ADAMTSL1: variants seen among roughly 807,000 people sequenced by gnomAD.
ADAMTSL1 encodes ADAMTS like 1, also known as ADAMTS-like protein 1.
A neutral mutation model predicts 201.8 loss-of-function variants in ADAMTSL1; 126 were observed. The ratio of observed to expected loss-of-function variants is 0.62; its 90% CI spans 0.54 to 0.72. ADAMTSL1 has a LOEUF of 0.72. Among genes scored for constraint, ADAMTSL1 ranks in the 30% least tolerant of loss-of-function variants. ADAMTSL1 has a pLI of 0.00. For synonymous variants in ADAMTSL1, 1,121 were observed against 903.4 expected (o/e 1.24, Z -4.32); for missense variants, 2,679 against 2,277.8 (o/e 1.18, Z -3.59).
At chr9:18,023,446 T>C (rs759304419) in intron 1 of ADAMTSL1, among the ~76,000 whole-genome samples, 6 of 152,116 alleles carry the variant, frequency 3.9e-5, no homozygotes, top group African/African-American at 9.7e-5. Context: ...AAAAACCTTG[T>C]GATAAGTTAT....
At chr9:18,415,926 A>T (rs887266748) in intron 2 of ADAMTSL1, among the ~76,000 whole-genome samples, 7 of 152,086 alleles carry the variant, frequency 4.6e-5, no homozygotes, top group Admixed American at 2.0e-4. Flanking sequence ...AAAAAAGGTG[A>T]TAATCTAGAA....
intron 2 of ADAMTSL1, among the ~76,000 whole-genome samples, chr9:18,526,526 C>T (rs1819064640): frequency 6.6e-6 from 1 of 152,190 alleles, no homozygotes; most frequent in African/African-American, 2.4e-5. Flanking sequence ...GCAGTTTCTT[C>T]CCAGCATCAA....
chr9:18,235,709 A>C (rs1283524262), intron 2 of ADAMTSL1, among the ~76,000 whole-genome samples: 1 of 151,962 alleles, frequency 6.6e-6, no homozygotes, highest in Non-Finnish European at 1.5e-5. Flanking sequence ...ACAGCTTTTG[A>C]CTCCAGGCTC....
At chr9:18,118,603 G>A (rs967193233) in intron 1 of ADAMTSL1, among the ~76,000 whole-genome samples, 1 of 152,098 alleles carries the variant, frequency 6.6e-6, no homozygotes, top group Non-Finnish European at 1.5e-5. Flanking sequence ...GAACTCAGAG[G>A]CAGAAAACAA....
chr9:18,530,874 A>G (rs1819403136), intron 2 of ADAMTSL1, among the ~76,000 whole-genome samples: 2 of 152,178 alleles, frequency 1.3e-5, no homozygotes, highest in East Asian at 1.9e-4. Flanking sequence ...GGTACTCTTA[A>G]TCACTGCACT....
chr9:18,372,515 C>T (rs1311519562), intron 2 of ADAMTSL1, among the ~76,000 whole-genome samples: 1 of 152,106 alleles, frequency 6.6e-6, no homozygotes, highest in Non-Finnish European at 1.5e-5. Context: ...AGAGGCTTCC[C>T]CAAGGTCTTA....
At chr9:18,348,399 A>C (rs968525020) in intron 2 of ADAMTSL1, among the ~76,000 whole-genome samples, 8 of 152,196 alleles carry the variant, frequency 5.3e-5, no homozygotes, top group African/African-American at 1.9e-4. Context: ...TTAGGTGTTT[A>C]GGATGAATTT....
intron 2 of ADAMTSL1, among the ~76,000 whole-genome samples, chr9:18,508,164 G>A (rs971422335): frequency 3.3e-5 from 5 of 151,056 alleles, no homozygotes; most frequent in East Asian, 3.9e-4. Context: ...CAGCCTGGGC[G>A]ACGAGCGAAA....
At chr9:17,911,149 G>C (rs140517957) in intron 1 of ADAMTSL1, among the ~76,000 whole-genome samples, 1,270 of 68,386 alleles carry the variant, frequency 0.019, 319 homozygotes, top group African/African-American at 0.035. Flanking sequence ...TGCTTTCAGG[G>C]GTTATTTCCC....
intron 2 of ADAMTSL1, among the ~76,000 whole-genome samples, chr9:18,315,538 C>A (rs1490067386): frequency 6.6e-6 from 1 of 152,120 alleles, no homozygotes; most frequent in Non-Finnish European, 1.5e-5. Context: ...CATGGGTGGG[C>A]CGGCAGTGCT....
chr9:18,242,674 A>G lies in ADAMTSL1; in HGVS notation c.207+78693A>G, dbSNP rs117089303. 9.1e-4 allele frequency among the ~76,000 whole-genome samples: 139 copies of G among 152,238 alleles called. No homozygotes were observed. In the East Asian group the frequency reaches 0.017, roughly 19 times the overall value. On this transcript the variant is annotated intron_variant, in intron 2 of 29. Transcript: ENST00000680146. ...GATGCACTAAAGTTGTAGGATATGA[A>G]ATCAACATATAAAAATCAGTATCAT...
chr9:17,922,218 T>C (rs1826332282), intron 1 of ADAMTSL1, among the ~76,000 whole-genome samples: 1 of 152,064 alleles, frequency 6.6e-6, no homozygotes, highest in Non-Finnish European at 1.5e-5. Context: ...TGGAGAATTA[T>C]GCATTTTGGG....
intron 2 of ADAMTSL1, among the ~76,000 whole-genome samples, chr9:18,201,415 C>A (rs1317060671): frequency 6.6e-6 from 1 of 151,932 alleles, no homozygotes; most frequent in Non-Finnish European, 1.5e-5. Context: ...TATTTAGTTA[C>A]TTTCATATAG....
chr9:18,607,494 T>TAA (rs1240009866), intron 4 of ADAMTSL1, among the ~76,000 whole-genome samples: 1 of 152,188 alleles, frequency 6.6e-6, no homozygotes, highest in Non-Finnish European at 1.5e-5. Context: ...AAAATTTTTT[T>TAA]AATTGACGCT....
chr9:18,099,942 T>C (rs775678716), intron 1 of ADAMTSL1, among the ~76,000 whole-genome samples: 1 of 152,104 alleles, frequency 6.6e-6, no homozygotes, highest in Non-Finnish European at 1.5e-5. Context: ...CAAAGTTTCC[T>C]CCTTTTCACT....
chr9:18,105,322 A>G (rs1023877402), intron 1 of ADAMTSL1, among the ~76,000 whole-genome samples: 3 of 152,190 alleles, frequency 2.0e-5, no homozygotes, highest in Non-Finnish European at 2.9e-5. Flanking sequence ...GACTGACAGC[A>G]TTCTAAAGGA....
Position 18,227,473 on chromosome 9 carries a change from A to C in ADAMTSL1, c.207+63492A>C, listed in dbSNP as rs543964561. On this transcript the variant is annotated intron_variant, in intron 2 of 29. Transcript: ENST00000680146. The stretch of plus-strand genomic sequence containing the variant: ...TTATAAACTCACGGCAAGGTAGTAC[A>C]TTTTATTCATTTACACTCAAACAGT... 6.6e-5 allele frequency among the ~76,000 whole-genome samples: 10 copies of C among 152,276 alleles called. No individual in the cohort carries two copies. In the South Asian group the frequency reaches 2.1e-3, roughly 32 times the overall value.
intron 13 of ADAMTSL1, among the ~76,000 whole-genome samples, chr9:18,688,960 T>C (rs538539783): frequency 6.6e-6 from 1 of 151,954 alleles, no homozygotes; most frequent in Admixed American, 6.6e-5. Context: ...GTTCAAACTA[T>C]GTCATTTCGA....
chr9:18,461,329 CATT>C (rs1434578458), intron 2 of ADAMTSL1, among the ~76,000 whole-genome samples: 2 of 151,952 alleles, frequency 1.3e-5, no homozygotes, highest in African/African-American at 4.8e-5. Context: ...GTCAATTTAT[CATT>C]ATGATTATTT....
Sources: allele counts gnomAD v4.1 joint callset (sites outside exome capture counted in the v4.1 genomes callset), GRCh38; gene constraint gnomAD v4.1.1; transcripts MANE v1.5; gene names NCBI Gene and HGNC (gene_info 2026-07-23, HGNC 2026-07-21).